Variants in C1orf87 observed in about 807,000 individuals in gnomAD.
C1orf87 encodes the protein chromosome 1 open reading frame 87, also known as uncharacterized protein C1orf87.
A neutral mutation model predicts 60.5 loss-of-function variants in C1orf87; 58 were observed. That is an observed-to-expected ratio of 0.96 (90% CI 0.78 to 1.19). The LOEUF is 1.19. Ranked by LOEUF, C1orf87 falls within the 50% of genes most tolerant of loss-of-function variation. The pLI, the probability that C1orf87 is intolerant of heterozygous loss-of-function variation, is 0.00. For synonymous variants in C1orf87, 236 were observed against 227.4 expected (o/e 1.04, Z -0.34); for missense variants, 673 against 638.6 (o/e 1.05, Z -0.58).
chr1:60,063,684 A>G (rs1645512388), intron 2 of C1orf87, among the ~76,000 whole-genome samples: 1 of 152,148 alleles, frequency 6.6e-6, no homozygotes, highest in Admixed American at 6.5e-5. Context: ...TCAGATATTT[A>G]CATGATTTAC....
At chr1:60,064,491 T>G (rs1290915307) in intron 2 of C1orf87, among the ~76,000 whole-genome samples, 1 of 137,166 alleles carries the variant, frequency 7.3e-6, no homozygotes, top group East Asian at 2.0e-4. Context: ...TCTAAAAGAA[T>G]GCACATACCT....
chr1:59,997,150 G>A (rs1644968941), intron 11 of C1orf87, among the ~76,000 whole-genome samples: 1 of 152,132 alleles, frequency 6.6e-6, no homozygotes, highest in Non-Finnish European at 1.5e-5. Flanking sequence ...AGTTAGAAAT[G>A]GCACAGGCGT....
intron 9 of C1orf87, among the ~76,000 whole-genome samples, chr1:60,001,761 C>T (rs1384091360): frequency 1.3e-5 from 2 of 152,098 alleles, no homozygotes; most frequent in African/African-American, 4.8e-5. Context: ...GGACCAGGCA[C>T]AACCTTTCTC....
chr1:60,037,865 G>T (rs1367440533), intron 6 of C1orf87, 127 bp downstream of exon 6: 4 of 521,506 alleles, frequency 7.7e-6, no homozygotes, highest in African/African-American at 5.6e-5. Flanking sequence ...TTCAGCCTTC[G>T]CTTCAGCACT....
At chr1:60,057,237 C>G (rs1324295467) in intron 2 of C1orf87, among the ~76,000 whole-genome samples, 5 of 152,100 alleles carry the variant, frequency 3.3e-5, no homozygotes, top group Non-Finnish European at 7.4e-5. Flanking sequence ...TGAAAAGGGT[C>G]CATTGGGTTA....
chr1:60,020,399 A>G (rs1229190139), intron 8 of C1orf87, among the ~76,000 whole-genome samples: 3 of 152,178 alleles, frequency 2.0e-5, no homozygotes, highest in Non-Finnish European at 4.4e-5. Flanking sequence ...CAGGCATTCA[A>G]TGCAAGCCTG....
intron 2 of C1orf87, among the ~76,000 whole-genome samples, chr1:60,060,839 G>T (rs923663130): frequency 1.3e-5 from 2 of 152,298 alleles, no homozygotes; most frequent in South Asian, 4.1e-4. Flanking sequence ...TACAGACAGT[G>T]CAGCTTTACC....
rs1318549397 is a variant in C1orf87, at chr1:60,040,203, A to G, written c.484-23T>C. On this transcript the variant is annotated intron_variant, in intron 4 of 11. Coordinates refer to ENST00000371201, the MANE Select transcript of C1orf87 (RefSeq NM_152377.3). The stretch of plus-strand genomic sequence containing the variant: ...ATCCTAACACAACAATGAAAAACAA[A>G]GAGCAAGACTCTTCAATCAGCCGGC... 1.9e-6 allele frequency: 3 copies of G among 1,594,512 alleles called. No individual in the cohort carries two copies. The Admixed American group carries it at 5.4e-5, about 28-fold the overall frequency.
chr1:60,036,676 T>G (rs1645279536), intron 6 of C1orf87, among the ~76,000 whole-genome samples: 1 of 152,142 alleles, frequency 6.6e-6, no homozygotes, highest in South Asian at 2.1e-4. Flanking sequence ...AAGACAATAG[T>G]TGAGGCCAGG....
In C1orf87 at chr1:60,010,465, G is replaced by C; in HGVS notation, c.1128-9C>G. The C allele has an allele frequency of 6.2e-7, 1 of 1,611,078 alleles. No individual in the cohort carries two copies. Reference sequence around the variant, plus strand: ...CAACAAAATTCTGCCATCTGTGCAAGAAAAGGAAACATAAATTGGTGATCA... The same window carrying C: ...CAACAAAATTCTGCCATCTGTGCAACAAAAGGAAACATAAATTGGTGATCA... On this transcript the variant is annotated splice_polypyrimidine_tract_variant and intron_variant, in intron 8 of 11. Transcript: ENST00000371201.
At chr1:60,073,400 G>A (rs1401598377) in intron 1 of C1orf87, among the ~76,000 whole-genome samples, 1 of 152,218 alleles carries the variant, frequency 6.6e-6, no homozygotes, top group Admixed American at 6.5e-5. Context: ...CTCCTTCACA[G>A]ATTGGAAAAC....
intron 2 of C1orf87, among the ~76,000 whole-genome samples, chr1:60,066,821 C>T (rs1326377422): frequency 6.6e-6 from 1 of 151,978 alleles, no homozygotes; most frequent in Non-Finnish European, 1.5e-5. Flanking sequence ...TGTTAACCCT[C>T]CCCTTCCCCC....
chr1:60,046,408 C>A lies in C1orf87; in HGVS notation c.343-5277G>T, dbSNP rs181705200. 7.1e-5 allele frequency among the ~76,000 whole-genome samples: 9 copies of A among 126,640 alleles called. No individual in the cohort carries two copies. The East Asian group carries it at 2.4e-3, about 34-fold the overall frequency. 83.1% of individuals were successfully genotyped at this position (126,640 alleles called of 152,430 possible). A position where few individuals can be genotyped will look rare whatever the true frequency, so the allele number is the denominator to read the frequency against. On this transcript the variant is annotated intron_variant, in intron 3 of 11. Coordinates refer to ENST00000371201, the MANE Select transcript of C1orf87 (RefSeq NM_152377.3). ...TTTCTTTCTCTCTCCCTCCCTTCCT[C>A]CCCTCCCTCCCTTCCTCCTTCCTTC...
chr1:60,065,873 T>A (rs1645542825), intron 2 of C1orf87, among the ~76,000 whole-genome samples: 1 of 152,126 alleles, frequency 6.6e-6, no homozygotes, highest in South Asian at 2.1e-4. Flanking sequence ...CTCAGTGATT[T>A]GTGGTTTAGT....
intron 3 of C1orf87, among the ~76,000 whole-genome samples, chr1:60,045,213 T>C (rs1170147216): frequency 6.6e-6 from 1 of 152,088 alleles, no homozygotes; most frequent in Non-Finnish European, 1.5e-5. Flanking sequence ...GGTACTGGGG[T>C]GTTCTAGAAA....
At chr1:60,027,997 T>C (rs1340709156) in intron 7 of C1orf87, among the ~76,000 whole-genome samples, 2 of 152,144 alleles carry the variant, frequency 1.3e-5, no homozygotes, top group African/African-American at 4.8e-5. Flanking sequence ...CTTATCACCA[T>C]TGGCTAGCAG....
chr1:60,071,476 T>A (rs1020446444), intron 2 of C1orf87, among the ~76,000 whole-genome samples: 1 of 152,228 alleles, frequency 6.6e-6, no homozygotes, highest in African/African-American at 2.4e-5. Flanking sequence ...AATGTATGAA[T>A]CACGTGCTGC....
At chr1:60,061,497 T>C (rs938494000) in intron 2 of C1orf87, among the ~76,000 whole-genome samples, 1 of 152,136 alleles carries the variant, frequency 6.6e-6, no homozygotes, top group Admixed American at 6.5e-5. Context: ...GCTTATTTAA[T>C]TTTTCCTATA....
intron 8 of C1orf87, among the ~76,000 whole-genome samples, chr1:60,021,135 C>A (rs1323251970): frequency 6.6e-6 from 1 of 152,118 alleles, no homozygotes. Context: ...TGAGGCCTCC[C>A]AGCCATGCTT....
Sources: gnomAD v4.1 joint callset for allele counts (sites outside exome capture counted in the v4.1 genomes callset) on GRCh38, gnomAD v4.1.1 for gene constraint, MANE v1.5 for transcripts, NCBI Gene and HGNC (gene_info 2026-07-23, HGNC 2026-07-21) for gene names.